LSAMP: variants seen among roughly 807,000 people sequenced by gnomAD.
LSAMP encodes the protein limbic system associated membrane protein.
In LSAMP, 7 loss-of-function variants were observed where a neutral mutation model predicts 38.6. That is an observed-to-expected ratio of 0.18 (90% CI 0.10 to 0.34). The LOEUF (loss-of-function observed/expected upper bound fraction) is 0.34. LSAMP is among the 10% of genes least tolerant of loss of function. LSAMP has a pLI of 1.00. For synonymous variants in LSAMP, 154 were observed against 166.8 expected, an observed-to-expected ratio of 0.92 and a Z score of 0.59; for missense variants, 313 against 420.0, an observed-to-expected ratio of 0.75 and a Z score of 2.23.
intron 3 of LSAMP, among the ~76,000 whole-genome samples, chr3:115,859,624 A>G (rs1236931620): frequency 1.3e-5 from 2 of 152,162 alleles, no homozygotes; most frequent in Non-Finnish European, 2.9e-5. Flanking sequence ...GTACCCAGAA[A>G]CCAGTGACAA....
At chr3:116,084,974 T>G (rs1233183619) in intron 2 of LSAMP, among the ~76,000 whole-genome samples, 2 of 152,032 alleles carry the variant, frequency 1.3e-5, no homozygotes, top group Non-Finnish European at 2.9e-5. Context: ...TGTGTGTGTG[T>G]TTGTGAATAA....
intron 1 of LSAMP, among the ~76,000 whole-genome samples, chr3:116,171,508 A>G (rs1710197968): frequency 6.6e-6 from 1 of 152,164 alleles, no homozygotes; most frequent in South Asian, 2.1e-4. Context: ...CAAATGACAG[A>G]ACAACTGTAG....
At chr3:115,868,209 T>C (rs1394769694) in intron 3 of LSAMP, among the ~76,000 whole-genome samples, 1 of 152,080 alleles carries the variant, frequency 6.6e-6, no homozygotes, top group Non-Finnish European at 1.5e-5. Flanking sequence ...CAGAAAGAGC[T>C]GTGGGCCATT....
chr3:115,898,720 G>A (rs1201532316), intron 3 of LSAMP, among the ~76,000 whole-genome samples: 1 of 151,938 alleles, frequency 6.6e-6, no homozygotes, highest in Non-Finnish European at 1.5e-5. Flanking sequence ...GGCTATGACT[G>A]AATCAGGCAG....
intron 3 of LSAMP, among the ~76,000 whole-genome samples, chr3:115,957,991 T>G (rs1392026355): frequency 6.6e-6 from 1 of 152,138 alleles, no homozygotes; most frequent in Non-Finnish European, 1.5e-5. Flanking sequence ...TGAAAGGGGA[T>G]ATAAAAAATC....
chr3:115,894,842 C>T lies in LSAMP; in HGVS notation c.515-42225G>A, dbSNP rs566028392. On this transcript the variant is annotated intron_variant, in intron 3 of 6. Transcript: ENST00000490035. ...TTGTTACCAGTGAACACATATTATGCATATTACCCACAAATCTCTCCTTTA... is the reference window on the plus strand; with the variant it reads ...TTGTTACCAGTGAACACATATTATGTATATTACCCACAAATCTCTCCTTTA... 5.9e-5 allele frequency among the ~76,000 whole-genome samples: 9 copies of T among 152,010 alleles called. No individual in the cohort carries two copies. The South Asian group carries it at 1.9e-3, about 32-fold the overall frequency.
At chr3:116,253,308 A>G (rs1364096494) in intron 1 of LSAMP, among the ~76,000 whole-genome samples, 1 of 152,196 alleles carries the variant, frequency 6.6e-6, no homozygotes, top group Non-Finnish European at 1.5e-5. Flanking sequence ...ACTACAGAAA[A>G]CAAGAGGTGA....
chr3:116,306,383 T>A (rs562176144), intron 1 of LSAMP, among the ~76,000 whole-genome samples: 69 of 152,182 alleles, frequency 4.5e-4, no homozygotes, highest in African/African-American at 1.6e-3. Context: ...CAGATCAGAA[T>A]ATTTTATTCA....
chr3:116,141,973 C>T (rs1026408861), intron 1 of LSAMP, among the ~76,000 whole-genome samples: 3 of 151,932 alleles, frequency 2.0e-5, no homozygotes, highest in African/African-American at 7.2e-5. Context: ...AGTCAGTTCC[C>T]TGACCTGAAA....
intron 2 of LSAMP, among the ~76,000 whole-genome samples, chr3:116,032,878 C>T (rs998525305): frequency 2.0e-5 from 3 of 152,026 alleles, no homozygotes; most frequent in African/African-American, 7.2e-5. Flanking sequence ...TTAAATTAAA[C>T]AGAGGCCAAG....
At chr3:115,962,318 G>C (rs188422749) in intron 3 of LSAMP, among the ~76,000 whole-genome samples, 18 of 152,242 alleles carry the variant, frequency 1.2e-4, no homozygotes, top group Admixed American at 1.2e-3. Flanking sequence ...GCTTTCTCTA[G>C]AGGCAATGAG....
intron 1 of LSAMP, among the ~76,000 whole-genome samples, chr3:116,372,369 A>G (rs529681444): frequency 4.6e-5 from 7 of 152,084 alleles, no homozygotes; most frequent in East Asian, 3.9e-4. Context: ...TTGAAATTCA[A>G]ATGAGCGAAG....
intron 3 of LSAMP, among the ~76,000 whole-genome samples, chr3:115,981,990 G>A (rs1329936199): frequency 3.9e-5 from 6 of 152,172 alleles, no homozygotes; most frequent in African/African-American, 1.4e-4. Context: ...GAGGTCCAAA[G>A]TGCACCCATC....
chr3:116,084,104 C>A (rs973916356), intron 2 of LSAMP, among the ~76,000 whole-genome samples: 1 of 152,062 alleles, frequency 6.6e-6, no homozygotes. Flanking sequence ...TTGGCAGACT[C>A]CTTCCTGTCT....
chr3:115,879,947 C>T (rs1936280053), intron 3 of LSAMP, among the ~76,000 whole-genome samples: 1 of 151,972 alleles, frequency 6.6e-6, no homozygotes, highest in African/African-American at 2.4e-5. Flanking sequence ...GTTTGTGAAT[C>T]TGAATTCATT....
At chr3:116,357,589 A>C (rs1404786897) in intron 1 of LSAMP, among the ~76,000 whole-genome samples, 5 of 152,188 alleles carry the variant, frequency 3.3e-5, no homozygotes, top group Non-Finnish European at 7.3e-5. Flanking sequence ...TTATCTACCC[A>C]GTACATTTTA....
intron 3 of LSAMP, among the ~76,000 whole-genome samples, chr3:116,001,033 G>C (rs1369084152): frequency 6.6e-6 from 1 of 152,138 alleles, no homozygotes; most frequent in Non-Finnish European, 1.5e-5. Flanking sequence ...CTATATCATA[G>C]TAAATGATGG....
intron 1 of LSAMP, among the ~76,000 whole-genome samples, chr3:116,185,030 CTTTTTTTTT>C (rs368314567): frequency 8.5e-6 from 1 of 117,766 alleles, no homozygotes; most frequent in Admixed American, 9.0e-5. Flanking sequence ...TTCTTTCTTT[CTTTTTTTTT>C]TTTTTTCAGT....
intron 2 of LSAMP, among the ~76,000 whole-genome samples, chr3:116,039,710 G>A (rs1366206651): frequency 1.3e-5 from 2 of 152,172 alleles, no homozygotes; most frequent in Admixed American, 1.3e-4. Context: ...AGTCCTGCTG[G>A]GTGGGGCATT....
Sources: gnomAD v4.1 joint callset for allele counts (sites outside exome capture counted in the v4.1 genomes callset) on GRCh38, gnomAD v4.1.1 for gene constraint, MANE v1.5 for transcripts, NCBI Gene and HGNC (gene_info 2026-07-23, HGNC 2026-07-21) for gene names.